Variants in CPVL observed in about 807,000 individuals in gnomAD.
The protein encoded by CPVL is probable serine carboxypeptidase CPVL.
In CPVL, 51 loss-of-function variants were observed where a neutral mutation model predicts 63.7. That is an observed-to-expected ratio of 0.80 (90% CI 0.64 to 1.01). CPVL has a LOEUF of 1.01. Ranked by LOEUF, CPVL falls within the 50% of genes least tolerant of loss-of-function variation. The pLI is 0.00. For missense variants in CPVL, 530 were observed against 573.1 expected (o/e 0.92, Z 0.77); for synonymous variants, 195 against 206.0 (o/e 0.95, Z 0.46).
At chr7:29,119,037 T>C (rs777164238) in intron 2 of CPVL, among the ~76,000 whole-genome samples, 5 of 152,204 alleles carry the variant, frequency 3.3e-5, no homozygotes, top group African/African-American at 1.2e-4. Flanking sequence ...TGGACCCCAG[T>C]GCTCCCTCCA....
chr7:29,194,623 G>T (rs946154203), intron 1 of CPVL: 45 of 284,260 alleles, frequency 1.6e-4, no homozygotes, highest in African/African-American at 9.5e-4. Flanking sequence ...GGACGGCAGA[G>T]GGGCTCGGCG....
At chr7:29,011,880 C>G (rs1336559699) in intron 12 of CPVL, 1 of 152,174 alleles carries the variant, frequency 6.6e-6, no homozygotes, top group African/African-American at 2.4e-5. Flanking sequence ...AATGTCTTTG[C>G]TTTCTATTGG....
At chr7:29,147,648 T>C (rs1792944496), upstream of CPVL, among the ~76,000 whole-genome samples, 1 of 152,146 alleles carries the variant, frequency 6.6e-6, no homozygotes, top group African/African-American at 2.4e-5. Context: ...ATACCTTCCA[T>C]ATGGAAGTAC....
At chr7:29,093,608 T>A (rs1786081328) in intron 5 of CPVL, among the ~76,000 whole-genome samples, 1 of 152,162 alleles carries the variant, frequency 6.6e-6, no homozygotes, top group Admixed American at 6.5e-5. Context: ...CACAGACAAC[T>A]GAACTGCAAA....
At chr7:29,188,243 A>C (rs1798963569) in intron 1 of CPVL, among the ~76,000 whole-genome samples, 1 of 152,218 alleles carries the variant, frequency 6.6e-6, no homozygotes, top group African/African-American at 2.4e-5. Flanking sequence ...CCATCATCAC[A>C]AAGTCTGTAA....
At chr7:29,181,254 T>C (rs945855288) in intron 5 of CPVL, 43 of 152,230 alleles carry the variant, frequency 2.8e-4, no homozygotes, top group African/African-American at 8.9e-4. Context: ...TGACCAAGGC[T>C]TCAGCTATTG....
intron 7 of CPVL, 139 bp downstream of exon 7, chr7:29,086,345 G>T: frequency 1.9e-6 from 1 of 524,558 alleles, no homozygotes; most frequent in Non-Finnish European, 3.4e-6. Context: ...GGAGAATTTT[G>T]AATAAAGGCT....
At chr7:29,000,624 G>A (rs1038709740) in intron 12 of CPVL, among the ~76,000 whole-genome samples, 2 of 152,232 alleles carry the variant, frequency 1.3e-5, no homozygotes, top group African/African-American at 4.8e-5. Flanking sequence ...GCAAACGCTA[G>A]TGGGACCATG....
At chr7:29,087,888 C>A (rs1038214878) in intron 6 of CPVL, among the ~76,000 whole-genome samples, 6 of 152,162 alleles carry the variant, frequency 3.9e-5, no homozygotes, top group African/African-American at 1.4e-4. Context: ...TTTATAGTGG[C>A]CTTTGTAGCA....
At chr7:29,009,820 T>A (rs1168374294) in intron 12 of CPVL, 3 of 152,210 alleles carry the variant, frequency 2.0e-5, no homozygotes, top group Admixed American at 2.0e-4. Context: ...TCGTATTTTT[T>A]AAACCAGCTG....
At chr7:29,147,129 A>G, upstream of CPVL, 1 of 877,496 alleles carries the variant, frequency 1.1e-6, no homozygotes, top group Non-Finnish European at 1.7e-6. Context: ...CTTGTAAGTG[A>G]CCTGAGTGTA....
rs147913349 is a variant in CPVL at position 29,096,694 on chromosome 7, G to A, written c.289-477C>T. 2.1e-3 allele frequency among the ~76,000 whole-genome samples: 326 copies of A among 152,190 alleles called. 1 individual carries two copies. Among genetic ancestry groups the A allele is most frequent in the East Asian group, 0.018 (91 of 5,164 alleles). Reference sequence around the variant, plus strand: ...CTTTCTGATTTTACTCACTAAGAACGTGTTCACAGCTGGTCGCGGTGGCTC... The same window carrying A: ...CTTTCTGATTTTACTCACTAAGAACATGTTCACAGCTGGTCGCGGTGGCTC... On this transcript the variant is annotated intron_variant, in intron 3 of 12. Transcript: ENST00000265394.
intron 1 of CPVL, among the ~76,000 whole-genome samples, chr7:29,142,147 C>A (rs1033633576): frequency 6.6e-6 from 1 of 152,178 alleles, no homozygotes; most frequent in African/African-American, 2.4e-5. Flanking sequence ...CAGATATGGT[C>A]TTTTAGTTAG....
chr7:29,121,796 C>G (rs1032249361), intron 1 of CPVL, among the ~76,000 whole-genome samples: 1 of 152,082 alleles, frequency 6.6e-6, no homozygotes, highest in Non-Finnish European at 1.5e-5. Context: ...GTTATGTTCT[C>G]TATCTCTTAT....
intron 12 of CPVL, among the ~76,000 whole-genome samples, chr7:29,008,250 G>A (rs1029911638): frequency 6.6e-6 from 1 of 152,146 alleles, no homozygotes; most frequent in Non-Finnish European, 1.5e-5. Flanking sequence ...TTAAGGTTGG[G>A]AAAGGAAACA....
chr7:29,101,615 A>T (rs1481443875), intron 3 of CPVL, among the ~76,000 whole-genome samples: 2 of 152,036 alleles, frequency 1.3e-5, no homozygotes, highest in African/African-American at 2.4e-5. Flanking sequence ...AAGCTTTAAA[A>T]TTTTTCTTAA....
At chr7:29,180,344 G>A (rs1245055434) in intron 5 of CPVL, among the ~76,000 whole-genome samples, 8 of 152,066 alleles carry the variant, frequency 5.3e-5, no homozygotes, top group Non-Finnish European at 1.0e-4. Flanking sequence ...TGACTAACAC[G>A]GTGAAACCCT....
intron 11 of CPVL, among the ~76,000 whole-genome samples, chr7:29,051,050 T>G (rs947449763): frequency 2.6e-5 from 4 of 152,150 alleles, no homozygotes; most frequent in African/African-American, 9.7e-5. Flanking sequence ...GCTAGCCACA[T>G]GCAGGAGAAT....
intron 10 of CPVL, among the ~76,000 whole-genome samples, chr7:29,064,718 T>C (rs924926923): frequency 2.0e-5 from 3 of 152,248 alleles, no homozygotes; most frequent in South Asian, 2.1e-4. Flanking sequence ...CATGTATACA[T>C]GTGCCATGTT....
Sources: gnomAD v4.1 joint callset for allele counts (sites outside exome capture counted in the v4.1 genomes callset) on GRCh38, gnomAD v4.1.1 for gene constraint, MANE v1.5 for transcripts, NCBI Gene and HGNC (gene_info 2026-07-23, HGNC 2026-07-21) for gene names.